Variants in PALM2AKAP2 observed in about 807,000 individuals in gnomAD.
PALM2AKAP2 encodes the protein PALM2 and AKAP2 fusion.
A neutral mutation model predicts 71.5 loss-of-function variants in PALM2AKAP2; 37 were observed. The ratio of observed to expected loss-of-function variants is 0.52; its 90% CI spans 0.40 to 0.68. PALM2AKAP2 has a LOEUF of 0.68. Among genes scored for constraint, PALM2AKAP2 ranks in the 30% least tolerant of loss-of-function variants. The pLI is 0.00. For missense variants in PALM2AKAP2, 1,224 were observed against 1,191.8 expected (o/e 1.03, Z -0.40); for synonymous variants, 468 against 478.8 (o/e 0.98, Z 0.29).
At chr9:109,757,948 T>A (rs1828990175) in intron 1 of PALM2AKAP2, among the ~76,000 whole-genome samples, 1 of 151,972 alleles carries the variant, frequency 6.6e-6, no homozygotes, top group Non-Finnish European at 1.5e-5. Context: ...AAAATTTATA[T>A]CCACAAAAAC....
intron 1 of PALM2AKAP2, among the ~76,000 whole-genome samples, chr9:109,742,935 A>G (rs1344111525): frequency 2.0e-5 from 3 of 152,194 alleles, no homozygotes; most frequent in Non-Finnish European, 4.4e-5. Context: ...GCCAAGACCC[A>G]GGAGCCACCT....
chr9:109,736,399 G>A (rs1468646361), intron 1 of PALM2AKAP2, among the ~76,000 whole-genome samples: 1 of 151,840 alleles, frequency 6.6e-6, no homozygotes. Flanking sequence ...GTTATGAAAG[G>A]GCTTAATCTT....
At chr9:109,641,971 A>C (rs1827075906) in intron 1 of PALM2AKAP2, among the ~76,000 whole-genome samples, 1 of 152,132 alleles carries the variant, frequency 6.6e-6, no homozygotes. Context: ...TTCAGGCCCC[A>C]CCTAGCCTGA....
At chr9:109,859,591 G>T (rs779281639) in intron 1 of PALM2AKAP2, among the ~76,000 whole-genome samples, 13 of 152,176 alleles carry the variant, frequency 8.5e-5, no homozygotes, top group Admixed American at 2.6e-4. Context: ...AATAACTACA[G>T]AAAACAATAC....
intron 1 of PALM2AKAP2, among the ~76,000 whole-genome samples, chr9:109,830,686 G>A (rs781701052): frequency 1.2e-4 from 18 of 152,166 alleles, no homozygotes; most frequent in Admixed American, 1.2e-3. Context: ...AATGGCCTTG[G>A]GGGAGAGGGA....
rs1833649355 is a variant in PALM2AKAP2, at chr9:110,048,745, TCTCCTGGACCCCC to T, written c.47_59del (p.Ser16TrpfsTer45). 1.5e-6 allele frequency: 2 copies of T among 1,368,236 alleles called. No individual in the cohort carries two copies. The highest frequency in any genetic ancestry group is 2.9e-5 in the South Asian group (2 of 68,510). 84.8% of individuals were successfully genotyped at this position (1,368,236 alleles called of 1,614,324 possible). The stretch of plus-strand genomic sequence containing the variant: ...GGCTGCCGCTCGCCTTCCCCCGGAG[TCTCCTGGACCCCC>T]GGAGTCTCCTGGACCCCCGGAGCGG... On this transcript the variant is annotated frameshift_variant, in exon 1 of 4. Transcript: ENST00000374525. LOFTEE classifies it high-confidence loss of function.
At chr9:110,037,211 T>C (rs1183780378) in intron 7 of PALM2AKAP2, among the ~76,000 whole-genome samples, 2 of 152,148 alleles carry the variant, frequency 1.3e-5, no homozygotes, top group Non-Finnish European at 2.9e-5. Context: ...TTGTTGTTTG[T>C]TTTTTTGAAA....
intron 1 of PALM2AKAP2, among the ~76,000 whole-genome samples, chr9:110,116,667 C>T (rs1031994044): frequency 6.6e-6 from 1 of 152,182 alleles, no homozygotes; most frequent in Non-Finnish European, 1.5e-5. Flanking sequence ...TCTGGTTACT[C>T]ACAGCGTGTT....
In PALM2AKAP2 at chr9:109,688,251, A is replaced by G. The variant is rs566081033; in HGVS notation, c.5+47385A>G. On this transcript the variant is annotated intron_variant, in intron 1 of 6. Transcript: ENST00000374531. ...GGTTGCTGCAAACTTTCAATTTGTAAAAAATGTAATATTTGGGAAGCACAA... is the reference window on the plus strand; with the variant it reads ...GGTTGCTGCAAACTTTCAATTTGTAGAAAATGTAATATTTGGGAAGCACAA... Among the ~76,000 whole-genome samples, 134 of 152,358 alleles carry G rather than the reference A, an allele frequency of 8.8e-4. 2 individuals are homozygous for G. In the South Asian group the frequency reaches 0.016, roughly 18 times the overall value.
Position 110,161,508 on chromosome 9 carries a change from A to G in PALM2AKAP2, c.2748+5011A>G, listed in dbSNP as rs138703109. ...TCCTATATAATCACCAGAAATTGCT[A>G]TCAAAGGATGATCCCACTCTCAGGA... On this transcript the variant is annotated intron_variant, in intron 3 of 3. Transcript: ENST00000374525. Among the ~76,000 whole-genome samples, 294 of 152,314 alleles carry G rather than the reference A, an allele frequency of 1.9e-3. 2 individuals are homozygous for G. The highest frequency in any genetic ancestry group is 8.9e-3 in the Admixed American group (136 of 15,288).
intron 3 of PALM2AKAP2, among the ~76,000 whole-genome samples, chr9:109,889,909 A>G (rs1298342188): frequency 2.0e-5 from 3 of 152,196 alleles, no homozygotes. Flanking sequence ...AATTGCTGCA[A>G]TGGAAGGAAT....
At chr9:109,862,710 A>T (rs1287673272) in intron 1 of PALM2AKAP2, among the ~76,000 whole-genome samples, 2 of 152,216 alleles carry the variant, frequency 1.3e-5, no homozygotes, top group African/African-American at 2.4e-5. Flanking sequence ...GTGAGGGTAG[A>T]TGTGTTTCCC....
At chr9:109,787,557 G>T (rs1827002859) in intron 1 of PALM2AKAP2, among the ~76,000 whole-genome samples, 1 of 152,132 alleles carries the variant, frequency 6.6e-6, no homozygotes, top group South Asian at 2.1e-4. Flanking sequence ...CAGGTCAGGG[G>T]GCCAGCATGC....
chr9:110,095,020 AT>A (rs1834803271), intron 1 of PALM2AKAP2, among the ~76,000 whole-genome samples: 1 of 152,132 alleles, frequency 6.6e-6, no homozygotes, highest in African/African-American at 2.4e-5. Flanking sequence ...TGACCATTAC[AT>A]TTTCCCCCTA....
intron 1 of PALM2AKAP2, among the ~76,000 whole-genome samples, chr9:109,673,409 G>A (rs1332009461): frequency 3.3e-5 from 5 of 152,002 alleles, no homozygotes; most frequent in African/African-American, 1.2e-4. Flanking sequence ...GTAATTGTAT[G>A]GTTTTGAGTA....
chr9:110,077,468 C>T (rs766976097), intron 1 of PALM2AKAP2, among the ~76,000 whole-genome samples: 6 of 152,194 alleles, frequency 3.9e-5, no homozygotes, highest in Middle Eastern at 3.4e-3. Context: ...AGACAGAAAG[C>T]GGGTTATATG....
intron 1 of PALM2AKAP2, among the ~76,000 whole-genome samples, chr9:109,739,041 T>G (rs1828680397): frequency 6.6e-6 from 1 of 152,242 alleles, no homozygotes; most frequent in African/African-American, 2.4e-5. Context: ...TATTAAACTT[T>G]CCCATGTATT....
At chr9:109,974,666 C>G (rs574542350) in intron 6 of PALM2AKAP2, among the ~76,000 whole-genome samples, 1 of 152,210 alleles carries the variant, frequency 6.6e-6, no homozygotes, top group Admixed American at 6.5e-5. Context: ...CAAAGTGTAC[C>G]GCAATAGTAA....
chr9:109,880,630 A>G (rs138820002), exon 3 of PALM2AKAP2: 9 of 1,614,112 alleles, frequency 5.6e-6, no homozygotes, highest in Non-Finnish European at 7.6e-6. Flanking sequence ...AGGAGGCGGC[A>G]GTCTGAAGAG....
Sources: allele counts gnomAD v4.1 joint callset (sites outside exome capture counted in the v4.1 genomes callset), GRCh38; gene constraint gnomAD v4.1.1; transcripts MANE v1.5; gene names NCBI Gene and HGNC (gene_info 2026-07-23, HGNC 2026-07-21).